The following OPCML variants were observed in gnomAD, a reference collection of about 807,000 sequenced individuals.
OPCML encodes the protein opioid binding protein/cell adhesion molecule like, also known as opioid-binding protein/cell adhesion molecule.
Under a neutral mutation model 37.8 loss-of-function variants are expected in OPCML, and 13 were observed. That is an observed-to-expected ratio of 0.34 (90% confidence interval 0.22 to 0.55). OPCML has a LOEUF of 0.55. Among genes scored for constraint, OPCML ranks in the 20% least tolerant of loss-of-function variants. The probability of loss-of-function intolerance (pLI) is 0.91; values close to 1 mark genes in which losing one functional copy is unlikely to be tolerated. For missense variants in OPCML, 341 were observed against 435.6 expected, an observed-to-expected ratio of 0.78 and a Z score of 1.93; for synonymous variants, 176 against 168.8, an observed-to-expected ratio of 1.04 and a Z score of -0.33.
intron 1 of OPCML, among the ~76,000 whole-genome samples, chr11:133,166,996 C>T (rs1002753633): frequency 2.0e-5 from 3 of 152,086 alleles, no homozygotes; most frequent in African/African-American, 4.8e-5. Context: ...CATTATCAGT[C>T]TAGGGTTCTC....
chr11:132,486,209 TGTG>T (rs2096199316), intron 4 of OPCML, among the ~76,000 whole-genome samples: 1 of 152,182 alleles, frequency 6.6e-6, no homozygotes, highest in African/African-American at 2.4e-5. Context: ...GCCCCAGTGC[TGTG>T]GGGATTCTGC....
At chr11:132,584,926 G>A (rs552356892) in intron 3 of OPCML, among the ~76,000 whole-genome samples, 1 of 152,298 alleles carries the variant, frequency 6.6e-6, no homozygotes, top group Admixed American at 6.5e-5. Flanking sequence ...AGCTGGACTG[G>A]TGACACCCAT....
chr11:133,224,498 G>A (rs1226540780), intron 1 of OPCML, among the ~76,000 whole-genome samples: 1 of 152,154 alleles, frequency 6.6e-6, no homozygotes, highest in African/African-American at 2.4e-5. Flanking sequence ...AGCTTAGAGG[G>A]CCAAGCTTCC....
At chr11:132,996,730 G>C (rs895176104) in intron 1 of OPCML, among the ~76,000 whole-genome samples, 15 of 151,648 alleles carry the variant, frequency 9.9e-5, no homozygotes, top group African/African-American at 3.6e-4. Context: ...AATAATTTTA[G>C]TGTGCCTGGC....
At chr11:132,492,082 A>G (rs1274234844) in intron 4 of OPCML, among the ~76,000 whole-genome samples, 1 of 152,036 alleles carries the variant, frequency 6.6e-6, no homozygotes, top group South Asian at 2.1e-4. Flanking sequence ...TGGTGTGGCC[A>G]GGACATTAAG....
At chr11:133,386,637 G>A (rs540752404) in intron 1 of OPCML, among the ~76,000 whole-genome samples, 1 of 152,320 alleles carries the variant, frequency 6.6e-6, no homozygotes, top group South Asian at 2.1e-4. Flanking sequence ...ATTACTTTAA[G>A]TCTCCCTGTT....
chr11:133,497,149 T>G (rs1565668079), intron 1 of OPCML, among the ~76,000 whole-genome samples: 1 of 152,230 alleles, frequency 6.6e-6, no homozygotes, highest in Non-Finnish European at 1.5e-5. Flanking sequence ...TCACCAATTA[T>G]TCTTATGTTT....
chr11:133,436,697 G>A (rs1463118865), intron 1 of OPCML, among the ~76,000 whole-genome samples: 1 of 152,198 alleles, frequency 6.6e-6, no homozygotes, highest in Non-Finnish European at 1.5e-5. Flanking sequence ...CTGCTTACTA[G>A]CTGTGTGACC....
At chr11:132,544,210 T>C (rs1370402114) in intron 3 of OPCML, among the ~76,000 whole-genome samples, 3 of 150,918 alleles carry the variant, frequency 2.0e-5, no homozygotes, top group Non-Finnish European at 4.4e-5. Flanking sequence ...AAAAAGCAAT[T>C]AAAGCACGTG....
rs900412542 is a variant in OPCML at position 132,415,195 on chromosome 11, C to T, written c.*4998G>A. 1 of 152,554 alleles carries T rather than the reference C, an allele frequency of 6.6e-6. No individual in the cohort carries two copies. The highest frequency in any genetic ancestry group is 2.4e-5 in the African/African-American group (1 of 41,416). 9.5% of individuals were successfully genotyped at this position (152,554 alleles called of 1,614,324 possible). ...AAAAGAAAAAAAGAACTCTAGAAGG[C>T]TGACAAAGTCATACTCTTGTATCGT... On this transcript the variant is annotated 3_prime_UTR_variant, in exon 8 of 8. Transcript: ENST00000524381.
rs144841895 is a variant in OPCML at position 133,524,602 on chromosome 11, G to A, written c.61+7662C>T. Among the ~76,000 whole-genome samples the A allele has an allele frequency of 1.4e-3, 207 of 152,336 alleles. 1 individual carries two copies. Among genetic ancestry groups the A allele is most frequent in the African/African-American group, 4.7e-3 (197 of 41,582 alleles). ...ATAGCCCACATTAGGGCCCACATCT[G>A]TGTTTACGGAACGACTCACACTCTC... On this transcript the variant is annotated intron_variant, in intron 1 of 7. Coordinates refer to ENST00000524381, the MANE Select transcript of OPCML (RefSeq NM_001012393.5).
intron 2 of OPCML, among the ~76,000 whole-genome samples, chr11:132,828,626 G>GA (rs56970901): frequency 0.21 from 31,998 of 151,136 alleles, 4,146 homozygotes; most frequent in Non-Finnish European, 0.31. Flanking sequence ...TTCACCAACA[G>GA]AAAAAAAAAG....
At chr11:132,648,844 T>A (rs1591670251) in intron 3 of OPCML, among the ~76,000 whole-genome samples, 1 of 152,030 alleles carries the variant, frequency 6.6e-6, no homozygotes, top group East Asian at 1.9e-4. Flanking sequence ...TCATCCAGAG[T>A]CACATTTTTT....
chr11:132,587,804 A>C (rs192108828), intron 3 of OPCML, among the ~76,000 whole-genome samples: 1 of 152,234 alleles, frequency 6.6e-6, no homozygotes, highest in Admixed American at 6.5e-5. Flanking sequence ...TGGTGGCAGT[A>C]CCCTGTAAGT....
chr11:132,471,021 A>T (rs2096136499), intron 4 of OPCML, among the ~76,000 whole-genome samples: 1 of 152,232 alleles, frequency 6.6e-6, no homozygotes. Flanking sequence ...ACCCATGACA[A>T]TGTGAGGTCC....
At chr11:133,409,297 T>C (rs552385570) in intron 1 of OPCML, among the ~76,000 whole-genome samples, 30 of 152,318 alleles carry the variant, frequency 2.0e-4, no homozygotes, top group Admixed American at 5.2e-4. Flanking sequence ...TTCCCAATTC[T>C]CACTCCAGGG....
intron 1 of OPCML, among the ~76,000 whole-genome samples, chr11:133,153,643 G>C (rs962885240): frequency 6.6e-6 from 1 of 152,166 alleles, no homozygotes; most frequent in Non-Finnish European, 1.5e-5. Flanking sequence ...TAACAGCAGA[G>C]GGGCTTATGT....
chr11:132,742,736 AATAT>A (rs781219895), intron 2 of OPCML, among the ~76,000 whole-genome samples: 1 of 148,354 alleles, frequency 6.7e-6, no homozygotes, highest in Non-Finnish European at 1.5e-5. Context: ...GTATAATAAA[AATAT>A]ATATATATTA....
chr11:132,657,244 C>T lies in OPCML; in HGVS notation c.222G>A (p.Lys74=), dbSNP rs905742494. ...TGATCACACGAGGGTCTATGGACCACTTGTCATTCCCAGCGTAGAGGATGG... is the reference window on the plus strand; with the variant it reads ...TGATCACACGAGGGTCTATGGACCATTTGTCATTCCCAGCGTAGAGGATGG... ...RSTILYAGND[K]WSIDPRVIIL... Residue 74 remains lysine (K), a synonymous_variant, in exon 3 of 8, where the codon AAG becomes AAA. Coordinates refer to ENST00000524381, the MANE Select transcript of OPCML (RefSeq NM_001012393.5). 7 of 1,614,134 alleles carry T rather than the reference C, an allele frequency of 4.3e-6. No individual in the cohort carries two copies. Among genetic ancestry groups the T allele is most frequent in the Non-Finnish European group, 5.1e-6 (6 of 1,180,064 alleles).
Sources: gnomAD v4.1 joint callset for allele counts (sites outside exome capture counted in the v4.1 genomes callset) on GRCh38, gnomAD v4.1.1 for gene constraint, MANE v1.5 for transcripts, NCBI Gene and HGNC (gene_info 2026-07-23, HGNC 2026-07-21) for gene names.